Variants in SLFN12L observed in about 807,000 individuals in gnomAD.
The protein encoded by SLFN12L is schlafen family member 12 like.
SLFN12L carries 34 observed loss-of-function variants against 34.8 expected under a neutral mutation model. The ratio of observed to expected loss-of-function variants is 0.98; its 90% CI spans 0.74 to 1.30. The LOEUF is 1.30. Among genes scored for constraint, SLFN12L ranks in the 50% most tolerant of loss-of-function variants. The pLI is 0.00. For missense variants in SLFN12L, 703 were observed against 696.2 expected (o/e 1.01, Z -0.11); for synonymous variants, 259 against 247.5 (o/e 1.05, Z -0.44).
At chr17:35,519,181 C>T (rs1403771626) in intron 2 of SLFN12L, among the ~76,000 whole-genome samples, 2 of 152,120 alleles carry the variant, frequency 1.3e-5, no homozygotes, top group Non-Finnish European at 2.9e-5. Flanking sequence ...CACACTGGGG[C>T]CTGTCAGAGG....
intron 2 of SLFN12L, chr17:35,490,054 C>T: frequency 6.2e-7 from 1 of 1,605,664 alleles, no homozygotes; most frequent in Non-Finnish European, 8.5e-7. Flanking sequence ...GTTCCCTCTC[C>T]CTCCAAAGCG....
At chr17:35,501,405 G>A (rs1354073725) in intron 2 of SLFN12L, among the ~76,000 whole-genome samples, 1 of 152,218 alleles carries the variant, frequency 6.6e-6, no homozygotes, top group African/African-American at 2.4e-5. Context: ...CCCACAGCGT[G>A]CCTGTACCGG....
At position 35,471,626 on chromosome 17, in the gene SLFN12L, G is replaced by A. The variant is rs539377754; in HGVS notation, c.*3297C>T. 1.5e-4 allele frequency among the ~76,000 whole-genome samples: 23 copies of A among 151,388 alleles called. No individual in the cohort carries two copies. The highest frequency in any genetic ancestry group is 2.9e-4 in the African/African-American group (12 of 41,304). ...ATTCCTATTTCTCCACAGCCTCGCC[G>A]TGCAGTGGAGACTTTTTAATAATCT... On this transcript the variant is annotated 3_prime_UTR_variant, in exon 5 of 5. Coordinates refer to ENST00000628453, the MANE Select transcript of SLFN12L (RefSeq NM_001363830.2).
intron 1 of SLFN12L, among the ~76,000 whole-genome samples, chr17:35,533,818 C>G (rs138696783): frequency 6.6e-6 from 1 of 152,258 alleles, no homozygotes; most frequent in South Asian, 2.1e-4. Context: ...CCATAGCTCA[C>G]GCCTGTAATC....
In SLFN12L at chr17:35,487,046, G is replaced by A. The variant is rs118165008; in HGVS notation, c.87-6851C>T. ...TGCTTGGTTTTTCTTTCAGGATCTA[G>A]GGCGCAGTTCGTCAGTGCCTGGTCA... On this transcript the variant is annotated intron_variant, in intron 2 of 4. Transcript: ENST00000628453. Among the ~76,000 whole-genome samples the A allele has an allele frequency of 2.0e-5, 3 of 152,354 alleles. No individual in the cohort carries two copies. The East Asian group carries it at 5.8e-4, about 29-fold the overall frequency.
At chr17:35,516,847 A>T (rs1915844644) in intron 2 of SLFN12L, among the ~76,000 whole-genome samples, 1 of 152,280 alleles carries the variant, frequency 6.6e-6, no homozygotes, top group Non-Finnish European at 1.5e-5. Flanking sequence ...CTTTACTTTT[A>T]ATAAAATATT....
At chr17:35,535,191 T>C (rs1460463376) in intron 1 of SLFN12L, among the ~76,000 whole-genome samples, 1 of 90,294 alleles carries the variant, frequency 1.1e-5, no homozygotes, top group African/African-American at 5.4e-5. Flanking sequence ...CTCTTTCTCC[T>C]TTTTTTTTTT....
intron 2 of SLFN12L, chr17:35,491,082 T>A: frequency 1.3e-6 from 1 of 779,490 alleles, no homozygotes; most frequent in Non-Finnish European, 2.4e-6. Flanking sequence ...TGACCATTTG[T>A]GAACTTACTG....
chr17:35,506,691 C>T (rs1039821677), intron 2 of SLFN12L, among the ~76,000 whole-genome samples: 1 of 152,100 alleles, frequency 6.6e-6, no homozygotes. Flanking sequence ...AGCATGTAGC[C>T]CAGTCTCTCA....
chr17:35,477,744 T>C lies in SLFN12L; in HGVS notation c.1276+331A>G, dbSNP rs75031735. Among the ~76,000 whole-genome samples the C allele has an allele frequency of 2.0e-5, 3 of 151,972 alleles. No homozygotes were observed. The East Asian group carries it at 5.8e-4, about 29-fold the overall frequency. ...AAGTTCAAGAGAAAAGAAGTTCAAG[T>C]AGAAAGATGAAGAGAGAAGTCTGGC... On this transcript the variant is annotated intron_variant, in intron 4 of 4. Transcript: ENST00000628453.
chr17:35,504,783 C>T (rs1915413357), intron 2 of SLFN12L, among the ~76,000 whole-genome samples: 1 of 152,218 alleles, frequency 6.6e-6, no homozygotes, highest in Non-Finnish European at 1.5e-5. Flanking sequence ...TCTTTGGAGA[C>T]CTGAAGGGAT....
In SLFN12L at chr17:35,468,479, G is replaced by A. The variant is rs944865514; in HGVS notation, c.*6444C>T. On this transcript the variant is annotated 3_prime_UTR_variant, in exon 5 of 5. Transcript: ENST00000628453. ...AATTTACCCCTGCACCAGACATGGC[G>A]TCACCCTAAACACAAAAACCTTCAC... Among the ~76,000 whole-genome samples, 7 of 152,134 alleles carry A rather than the reference G, an allele frequency of 4.6e-5. No homozygotes were observed. Among genetic ancestry groups the A allele is most frequent in the East Asian group, 1.9e-4 (1 of 5,202 alleles).
intron 2 of SLFN12L, chr17:35,480,452 G>A (rs1190193256): frequency 5.7e-6 from 2 of 351,264 alleles, no homozygotes; most frequent in East Asian, 4.4e-5. Context: ...TGTGTTCGTT[G>A]TGTCCTTTCT....
rs777414423 is a variant in SLFN12L, at chr17:35,475,022, A to G, written c.1740T>C (p.Leu580=). Reference sequence around the variant, plus strand: ...GATTCTCCTTAGGTAAGATATTTGAAAGGGCCTTTTCCAAGTCTTTCATTG... The same window carrying G: ...GATTCTCCTTAGGTAAGATATTTGAGAGGGCCTTTTCCAAGTCTTTCATTG... ...AQTMKDLEKA[L]SNILPKENQI... is the part of the protein sequence containing the mutation. Residue 580 remains leucine (L), a synonymous_variant, in exon 5 of 5, where the codon CTT becomes CTC. Transcript: ENST00000628453. 8 of 1,599,792 alleles carry G rather than the reference A, an allele frequency of 5.0e-6. No homozygotes were observed. Among genetic ancestry groups the G allele is most frequent in the East Asian group, 4.5e-5 (2 of 44,420 alleles).
intron 2 of SLFN12L, among the ~76,000 whole-genome samples, chr17:35,495,902 CACACACACA>C (rs916812564): frequency 1.1e-4 from 1 of 8,770 alleles, no homozygotes; most frequent in Non-Finnish European, 2.2e-4. Context: ...CGATTTGAAA[CACACACACA>C]CACACACACA....
chr17:35,495,909 ACACAC>A, intron 2 of SLFN12L, among the ~76,000 whole-genome samples: 1 of 68,118 alleles, frequency 1.5e-5, no homozygotes, highest in African/African-American at 6.3e-5. Flanking sequence ...AAACACACAC[ACACAC>A]ACACACACAC....
In SLFN12L at chr17:35,469,522, C is replaced by T. The variant is rs1024928781; in HGVS notation, c.*5401G>A. Among the ~76,000 whole-genome samples, 1 of 151,588 alleles carries T rather than the reference C, an allele frequency of 6.6e-6. No individual in the cohort carries two copies. Among genetic ancestry groups the T allele is most frequent in the African/African-American group, 2.4e-5 (1 of 41,260 alleles). Reference sequence around the variant, plus strand: ...ACATTGTTCTTCTATCTTACTCTTACAATAAAATATTTTCTAGGCTATTTA... The same window carrying T: ...ACATTGTTCTTCTATCTTACTCTTATAATAAAATATTTTCTAGGCTATTTA... On this transcript the variant is annotated 3_prime_UTR_variant, in exon 5 of 5. Transcript: ENST00000628453.
chr17:35,482,191 A>G (rs967263637), intron 2 of SLFN12L, among the ~76,000 whole-genome samples: 3 of 152,218 alleles, frequency 2.0e-5, no homozygotes, highest in Non-Finnish European at 4.4e-5. Flanking sequence ...TATACAAAAC[A>G]CCTGTGCTCT....
At chr17:35,498,700 A>G (rs1915186022) in intron 2 of SLFN12L, 1 of 1,567,684 alleles carries the variant, frequency 6.4e-7, no homozygotes, top group Admixed American at 1.8e-5. Flanking sequence ...CTAGATAACA[A>G]TTACGTGGTC....
Sources: gnomAD v4.1 joint callset for allele counts (sites outside exome capture counted in the v4.1 genomes callset) on GRCh38, gnomAD v4.1.1 for gene constraint, MANE v1.5 for transcripts, NCBI Gene and HGNC (gene_info 2026-07-23, HGNC 2026-07-21) for gene names.